CDC42BPG: variants seen among roughly 807,000 people sequenced by gnomAD.
The protein encoded by CDC42BPG is CDC42 binding protein kinase gamma.
CDC42BPG carries 157 observed loss-of-function variants against 192.2 expected under a neutral mutation model. The ratio of observed to expected loss-of-function variants is 0.82; its 90% CI spans 0.72 to 0.93. The LOEUF is 0.93. Among genes scored for constraint, CDC42BPG ranks in the 40% least tolerant of loss-of-function variants. The probability of loss-of-function intolerance (pLI) is 0.00; values close to 1 mark genes in which losing one functional copy is unlikely to be tolerated. For missense variants in CDC42BPG, 1,992 were observed against 2,122.1 expected (o/e 0.94, Z 1.20); for synonymous variants, 981 against 918.5 (o/e 1.07, Z -1.23).
At chr11:64,831,447 A>C (rs1942681410) in intron 28 of CDC42BPG, 58 bp downstream of exon 28, 1 of 1,493,148 alleles carries the variant, frequency 6.7e-7, no homozygotes, top group African/African-American at 1.4e-5. Flanking sequence ...GACTATTCCT[A>C]GACACCAGCA....
At position 64,823,068 on chromosome 11, in the gene CDC42BPG, T is replaced by G. The variant is rs187474985; in HGVS notation, c.*1405A>C. Among the ~76,000 whole-genome samples the G allele has an allele frequency of 2.6e-5, 4 of 151,162 alleles. No individual in the cohort carries two copies. In the East Asian group the frequency reaches 7.7e-4, roughly 29 times the overall value. On this transcript the variant is annotated 3_prime_UTR_variant, in exon 37 of 37. Transcript: ENST00000342711. The stretch of plus-strand genomic sequence containing the variant: ...AGGCCAGCAGCTTACAAAGCTGTCT[T>G]TATTGGTTTCCTTTTCTTTTCTTTT...
chr11:64,833,074 T>C (rs1942781071), intron 24 of CDC42BPG, 115 bp from the exon 25 acceptor site: 2 of 1,340,904 alleles, frequency 1.5e-6, no homozygotes, highest in Admixed American at 4.6e-5. Flanking sequence ...ACCCGAACTG[T>C]CCCCAATTCC....
rs771470342 is a variant in CDC42BPG at position 64,826,524 on chromosome 11, G to A, written c.4545C>T (p.Ser1515=). The part of the protein sequence containing the change: ...MKRKPWTSLS[S]ESVSCPQGSL... ...ATCCCTGGGGGCAGGACACAGACTC[G>A]CTGGACAGGGATGTCCAGGGTTTCC... The change falls in exon 36 of 37, where the codon AGC becomes AGT. Residue 1515 remains serine, a synonymous_variant. Transcript: ENST00000342711. 6.9e-6 allele frequency: 11 copies of A among 1,604,448 alleles called. No homozygotes were observed. In the South Asian group the frequency reaches 1.0e-4, roughly 15 times the overall value.
At chr11:64,835,280 A>AC in intron 16 of CDC42BPG, 67 bp downstream of exon 16, 2 of 1,608,928 alleles carry the variant, frequency 1.2e-6, no homozygotes. Flanking sequence ...CAGCTTGCCC[A>AC]CCCCTCAACT....
At chr11:64,832,531 T>C (rs1483764067) in intron 26 of CDC42BPG, 22 bp from the exon 27 acceptor site, 1 of 1,613,660 alleles carries the variant, frequency 6.2e-7, no homozygotes, top group South Asian at 1.1e-5. Flanking sequence ...ACAGAACAGG[T>C]CAGAAATCTC....
intron 11 of CDC42BPG, 22 bp downstream of exon 11, chr11:64,836,717 G>GGGGGGGGGGGGGGA: frequency 1.2e-6 from 1 of 858,756 alleles, no homozygotes; most frequent in African/African-American, 1.8e-5. Flanking sequence ...GGGGGGGGGG[G>GGGGGGGGGGGGGGA]GGGGGTGGGC....
chr11:64,837,570 C>T (rs556400038), intron 9 of CDC42BPG, among the ~76,000 whole-genome samples: 3 of 152,348 alleles, frequency 2.0e-5, no homozygotes, highest in South Asian at 4.1e-4. Flanking sequence ...AAGCGATTCT[C>T]GCTGCCTCAG....
In CDC42BPG at chr11:64,839,208, G is replaced by A. The variant is rs753194992; in HGVS notation, c.701C>T (p.Thr234Met). ...GATCTCAGGGGAGATATAGTCCGGC[G>A]TCCCTACTGCCACTGATGAATCCAC... ...GMVDSSVAVG[T>M]PDYISPEILQ... Residue 234 changes from threonine to methionine, a missense_variant, in exon 7 of 37, where the codon ACG (threonine) becomes ATG (methionine). By Grantham distance (81) the Thr-to-Met change is moderately conservative (BLOSUM62 -1). Coordinates refer to ENST00000342711, the MANE Select transcript of CDC42BPG (RefSeq NM_017525.3). 12 of 1,613,086 alleles carry A rather than the reference G, an allele frequency of 7.4e-6. No individual in the cohort carries two copies. Among genetic ancestry groups the A allele is most frequent in the African/African-American group, 4.0e-5 (3 of 74,938 alleles).
Position 64,832,953 on chromosome 11 carries a change from C to G in CDC42BPG, c.2738G>C (p.Gly913Ala). The change falls in exon 25 of 37, where the codon GGC (glycine) becomes GCC (alanine). Residue 913 changes from glycine (G) to alanine (A), a missense_variant. Gly to Ala is a moderately conservative substitution (Grantham distance 60). This residue lies in a region of CDC42BPG where 1,656 missense variants were observed against 1,844.3 expected (regional missense o/e 0.90). Transcript: ENST00000342711. The part of the protein sequence containing the change: ...GRQGLGCDAC[G>A]YFCHTTCAPQ... ...GGCACAGGTTGTGTGACAAAAGTAGCCGCAGGCTGTGGGGAAAGTGGAGAA... is the reference window on the plus strand; with the variant it reads ...GGCACAGGTTGTGTGACAAAAGTAGGCGCAGGCTGTGGGGAAAGTGGAGAA... 6.5e-7 allele frequency: 1 copy of G among 1,530,724 alleles called. No individual in the cohort carries two copies. Among genetic ancestry groups the G allele is most frequent in the Non-Finnish European group, 8.8e-7 (1 of 1,137,404 alleles). The allele number at this position is 1,530,724 out of a possible 1,614,324, so 94.8% of individuals were successfully genotyped here.
Position 64,838,138 on chromosome 11 carries a change from C to T in CDC42BPG, c.1150G>A (p.Gly384Arg), listed in dbSNP as rs374785826. 24 of 1,553,450 alleles carry T rather than the reference C, an allele frequency of 1.5e-5. No homozygotes were observed. In the African/African-American group the frequency reaches 2.3e-4, roughly 15 times the overall value. ...HPGTLPPPSHGAFSGHHLPFV... is the reference protein window; with the variant it reads ...HPGTLPPPSHRAFSGHHLPFV... The stretch of plus-strand genomic sequence containing the variant: ...GGCAGGTGATGGCCGGAGAAGGCCC[C>T]GTGGGAGGGCGGTGGCAGGGTCCCC... Residue 384 changes from glycine to arginine, a missense_variant, in exon 9 of 37, where the codon GGG becomes AGG. Physicochemically the swap from Gly to Arg is moderately radical, Grantham distance 125. Around this residue, in one of 2 missense-constraint regions of CDC42BPG, gnomAD observed 1,656 missense variants for 1,844.3 expected, o/e 0.90. Coordinates refer to ENST00000342711, the MANE Select transcript of CDC42BPG (RefSeq NM_017525.3).
In CDC42BPG at chr11:64,827,179, G is replaced by C. The variant is rs748092069; in HGVS notation, c.4272-12C>G. The C allele has an allele frequency of 1.2e-6, 2 of 1,613,588 alleles. No individual in the cohort carries two copies. The highest frequency in any genetic ancestry group is 1.3e-5 in the African/African-American group (1 of 74,918). ...CCTTCAGCATCTCCCTGTGGGCGGA[G>C]GTGTAAGTAGTGGGTGGCGAAGCTC... On this transcript the variant is annotated splice_polypyrimidine_tract_variant and intron_variant, in intron 33 of 36. Coordinates refer to ENST00000342711, the MANE Select transcript of CDC42BPG (RefSeq NM_017525.3).
chr11:64,841,451 CAAAA>C (rs376345283), intron 3 of CDC42BPG, among the ~76,000 whole-genome samples, 195 bp downstream of exon 3: 1 of 94,344 alleles, frequency 1.1e-5, no homozygotes. Flanking sequence ...GATTCCGTCT[CAAAA>C]AAAAAAAAAA....
At chr11:64,829,062 A>T (rs1346881005) in intron 30 of CDC42BPG, among the ~76,000 whole-genome samples, 1 of 152,068 alleles carries the variant, frequency 6.6e-6, no homozygotes, top group Non-Finnish European at 1.5e-5. Flanking sequence ...AAACAAAACA[A>T]AACAAAAATT....
chr11:64,836,720 G>GGGT lies in CDC42BPG; in HGVS notation c.1384+16_1384+18dup, dbSNP rs760622855. The GGGT allele has an allele frequency of 5.7e-5, 48 of 843,892 alleles. No homozygotes were observed. The highest frequency in any genetic ancestry group is 8.0e-5 in the Non-Finnish European group (47 of 584,542). The allele number at this position is 843,892 out of a possible 1,614,324, so 52.3% of individuals were successfully genotyped here. On this transcript the variant is annotated intron_variant, in intron 11 of 36. Coordinates refer to ENST00000342711, the MANE Select transcript of CDC42BPG (RefSeq NM_017525.3). ...GGACTCAGCCCTGGGGGGGGGGGGG[G>GGGT]GGTGGGCGGAAGGGATACCTGGCAG...
At position 64,836,722 on chromosome 11, in the gene CDC42BPG, G is replaced by GGGGGGT; in HGVS notation, c.1384+16_1384+17insACCCCC. On this transcript the variant is annotated intron_variant, in intron 11 of 36. Transcript: ENST00000342711. The stretch of plus-strand genomic sequence containing the variant: ...ACTCAGCCCTGGGGGGGGGGGGGGG[G>GGGGGGT]TGGGCGGAAGGGATACCTGGCAGCC... 1.2e-6 allele frequency: 1 copy of GGGGGGT among 859,760 alleles called. No homozygotes were observed. The allele number at this position is 859,760 out of a possible 1,614,324, so 53.3% of individuals were successfully genotyped here.
Position 64,836,707 on chromosome 11 carries a change from G to GGGGC in CDC42BPG, c.1384+31_1384+32insGCCC, listed in dbSNP as rs1555173114. 1.8e-3 allele frequency: 1,114 copies of GGGGC among 603,202 alleles called. 26 individuals carry two copies. Among genetic ancestry groups the GGGGC allele is most frequent in the South Asian group, 3.8e-3 (168 of 44,140 alleles). The allele number at this position is 603,202 out of a possible 1,614,324, so 37.4% of individuals were successfully genotyped here. On this transcript the variant is annotated intron_variant, in intron 11 of 36. Transcript: ENST00000342711. ...CCGAGCCCAGGTGGGACTCAGCCCTGGGGGGGGGGGGGGGGTGGGCGGAAG... is the reference window on the plus strand; with the variant it reads ...CCGAGCCCAGGTGGGACTCAGCCCTGGGGCGGGGGGGGGGGGGGGTGGGCGGAAG...
At chr11:64,824,822 A>G (rs1406372777) in intron 36 of CDC42BPG, among the ~76,000 whole-genome samples, 1 of 151,940 alleles carries the variant, frequency 6.6e-6, no homozygotes, top group African/African-American at 2.4e-5. Context: ...ATCTTGGCTC[A>G]CTGCAACCTC....
In CDC42BPG at chr11:64,829,913, C is replaced by T; in HGVS notation, c.3525G>A (p.Glu1175=). 1 of 1,610,692 alleles carries T rather than the reference C, an allele frequency of 6.2e-7. No individual in the cohort carries two copies. Among genetic ancestry groups the T allele is most frequent in the Non-Finnish European group, 8.5e-7 (1 of 1,178,966 alleles). ...CTGCCAGCACCTGGCAGCCTCGAGA[C>T]TCGGGGATCTTGGCACCTGCTACCT... ...NIEVAGAKIP[E]SRGCQVLAAG... The change falls in exon 30 of 37, where the codon GAG becomes GAA. Residue 1175 remains glutamate, a synonymous_variant. Transcript: ENST00000342711.
chr11:64,836,707 G>GGC lies in CDC42BPG; in HGVS notation c.1384+31_1384+32insGC, dbSNP rs1491445919. On this transcript the variant is annotated intron_variant, in intron 11 of 36. Coordinates refer to ENST00000342711, the MANE Select transcript of CDC42BPG (RefSeq NM_017525.3). ...CCGAGCCCAGGTGGGACTCAGCCCT[G>GGC]GGGGGGGGGGGGGGGTGGGCGGAAG... is the stretch of plus-strand genomic sequence containing the variant. 170 of 603,756 alleles carry GGC rather than the reference G, an allele frequency of 2.8e-4. 4 individuals are homozygous for GGC. Among genetic ancestry groups the GGC allele is most frequent in the African/African-American group, 3.9e-4 (14 of 35,858 alleles). 37.4% of individuals were successfully genotyped at this position (603,756 alleles called of 1,614,324 possible).
Sources: gnomAD v4.1 joint callset for allele counts (sites outside exome capture counted in the v4.1 genomes callset) on GRCh38, gnomAD v4.1.1 for gene constraint, gnomAD v4.1.1 regional missense constraint, MANE v1.5 for transcripts, NCBI Gene and HGNC (gene_info 2026-07-23, HGNC 2026-07-21) for gene names.